The following ANO6 variants were observed in gnomAD, a reference collection of about 807,000 sequenced individuals.
ANO6 encodes anoctamin-6.
A neutral mutation model predicts 117.5 loss-of-function variants in ANO6; 106 were observed. The observed-to-expected ratio is 0.90, with a 90% CI of 0.77 to 1.06. The LOEUF (loss-of-function observed/expected upper bound fraction) is 1.06, where lower values mean the gene tolerates loss of function less well. Among genes scored for constraint, ANO6 ranks in the 50% least tolerant of loss-of-function variants. The pLI is 0.00. For missense variants in ANO6, 955 were observed against 1,121.1 expected (o/e 0.85, Z 2.12); for synonymous variants, 367 against 385.1 (o/e 0.95, Z 0.55).
At chr12:45,438,106 A>C (rs1346317076) in intron 19 of ANO6, among the ~76,000 whole-genome samples, 5 of 152,134 alleles carry the variant, frequency 3.3e-5, no homozygotes, top group Non-Finnish European at 7.4e-5. Context: ...GCTTCCGCTC[A>C]GGCAAGCTGC....
intron 15 of ANO6, among the ~76,000 whole-genome samples, chr12:45,404,921 T>C (rs1942893470): frequency 6.6e-6 from 1 of 152,176 alleles, no homozygotes; most frequent in African/African-American, 2.4e-5. Flanking sequence ...TTTCTGTTCA[T>C]TCTCTTTATT....
intron 1 of ANO6, among the ~76,000 whole-genome samples, chr12:45,261,562 A>G (rs1016647369): frequency 6.6e-6 from 1 of 152,250 alleles, no homozygotes; most frequent in Admixed American, 6.5e-5. Context: ...GATAAGTGGC[A>G]GTCCTGGCTC....
chr12:45,277,236 T>G (rs978031522), intron 1 of ANO6, among the ~76,000 whole-genome samples: 1 of 152,232 alleles, frequency 6.6e-6, no homozygotes, highest in Non-Finnish European at 1.5e-5. Context: ...TATGTAATAC[T>G]TTCCACAGAT....
intron 10 of ANO6, among the ~76,000 whole-genome samples, chr12:45,386,631 A>G (rs1481314512): frequency 6.6e-6 from 1 of 152,134 alleles, no homozygotes; most frequent in African/African-American, 2.4e-5. Flanking sequence ...AGTCTCCTCC[A>G]TCTGTACGTT....
At chr12:45,264,471 A>G (rs987569412) in intron 1 of ANO6, among the ~76,000 whole-genome samples, 1 of 152,164 alleles carries the variant, frequency 6.6e-6, no homozygotes, top group African/African-American at 2.4e-5. Flanking sequence ...CCCTTTGGAT[A>G]ATTTTTTGGG....
At chr12:45,439,722 T>A (rs957068525) in exon 20 of ANO6, 1 of 1,543,570 alleles carries the variant, frequency 6.5e-7, no homozygotes, top group African/African-American at 1.4e-5. Context: ...TGATCTTGGC[T>A]CACTGCAACC....
chr12:45,413,119 A>G (rs1943127685), intron 16 of ANO6, among the ~76,000 whole-genome samples: 1 of 152,230 alleles, frequency 6.6e-6, no homozygotes, highest in African/African-American at 2.4e-5. Flanking sequence ...AATATTTGTA[A>G]ACAAGATAAC....
In ANO6 at chr12:45,393,665, G is replaced by A. The variant is rs534902678; in HGVS notation, c.1386+3167G>A. Among the ~76,000 whole-genome samples, 73 of 152,330 alleles carry A rather than the reference G, an allele frequency of 4.8e-4. 1 individual carries two copies. Among genetic ancestry groups the A allele is most frequent in the African/African-American group, 1.8e-3 (73 of 41,560 alleles). On this transcript the variant is annotated intron_variant, in intron 12 of 19. Transcript: ENST00000320560. ...ACATCTCTTGGCAGAAACCCTACGA[G>A]CCAGAAGAGAGTGGGGGCCAATATT... is the stretch of plus-strand genomic sequence containing the variant.
Position 45,220,203 on chromosome 12 carries a change from A to G in ANO6, c.70+3812A>G, listed in dbSNP as rs995711047. 3.9e-5 allele frequency among the ~76,000 whole-genome samples: 6 copies of G among 152,122 alleles called. No homozygotes were observed. The East Asian group carries it at 7.7e-4, about 19-fold the overall frequency. ...CAAAAAAGACTATCAGGAACTATTC[A>G]GACTGTTCAGATAATGAGGTTTTGT... On this transcript the variant is annotated intron_variant, in intron 1 of 19. Transcript: ENST00000320560.
chr12:45,418,482 A>G (rs767402717), intron 17 of ANO6, among the ~76,000 whole-genome samples: 1 of 152,242 alleles, frequency 6.6e-6, no homozygotes, highest in Non-Finnish European at 1.5e-5. Flanking sequence ...AGCACGTTCA[A>G]TATGCTCTAG....
intron 9 of ANO6, 88 bp from the exon 10 acceptor site, chr12:45,377,965 G>A: frequency 7.7e-7 from 1 of 1,293,780 alleles, no homozygotes; most frequent in Non-Finnish European, 1.1e-6. Flanking sequence ...AGAACTTCAA[G>A]ACTGTAGAAT....
chr12:45,315,225 TTTAA>T (rs1939984986), intron 2 of ANO6, among the ~76,000 whole-genome samples: 2 of 152,066 alleles, frequency 1.3e-5, no homozygotes, highest in Non-Finnish European at 2.9e-5. Context: ...GAACTGAATT[TTTAA>T]TTAATTCTTA....
intron 16 of ANO6, among the ~76,000 whole-genome samples, chr12:45,409,881 G>T (rs1324132707): frequency 6.6e-6 from 1 of 152,126 alleles, no homozygotes; most frequent in Non-Finnish European, 1.5e-5. Flanking sequence ...TCAGCCTCCT[G>T]AGTAGCCGGG....
intron 4 of ANO6, chr12:45,347,355 C>CT: frequency 2.3e-6 from 1 of 429,004 alleles, no homozygotes; most frequent in South Asian, 6.2e-5. Flanking sequence ...CTTCTAAAAG[C>CT]TTTTTTGTTA....
At chr12:45,305,696 C>T (rs569639089) in intron 2 of ANO6, among the ~76,000 whole-genome samples, 2 of 152,094 alleles carry the variant, frequency 1.3e-5, no homozygotes, top group South Asian at 4.2e-4. Flanking sequence ...GTAGAGACTT[C>T]AGAAATAGGC....
intron 1 of ANO6, among the ~76,000 whole-genome samples, chr12:45,253,718 G>A (rs1414160192): frequency 6.6e-6 from 1 of 152,154 alleles, no homozygotes; most frequent in African/African-American, 2.4e-5. Flanking sequence ...TGTAAAATGA[G>A]GAGTTTAGGC....
chr12:45,423,521 A>C (rs886625552), intron 19 of ANO6, among the ~76,000 whole-genome samples: 1 of 152,224 alleles, frequency 6.6e-6, no homozygotes, highest in Admixed American at 6.5e-5. Flanking sequence ...GCCAAATTAC[A>C]AAGTATCAGA....
intron 1 of ANO6, among the ~76,000 whole-genome samples, chr12:45,294,908 T>C (rs185392101): frequency 6.6e-6 from 1 of 152,340 alleles, no homozygotes; most frequent in East Asian, 1.9e-4. Flanking sequence ...GTATTAAAAA[T>C]TGAAGTGAAA....
In ANO6 at chr12:45,431,651, G is replaced by GTGTT. The variant is rs1037555630; in HGVS notation, c.*2345_*2348dup. On this transcript the variant is annotated 3_prime_UTR_variant, in exon 20 of 20. Coordinates refer to ENST00000320560, the MANE Select transcript of ANO6 (RefSeq NM_001025356.3). ...GGGTCATTTCCCCATGCCATCCACA[G>GTGTT]TGTTTGTTAGTGAGTCCACGGCTGA... The GTGTT allele has an allele frequency of 5.8e-5, 57 of 985,432 alleles. No homozygotes were observed. The highest frequency in any genetic ancestry group is 6.5e-5 in the Non-Finnish European group (54 of 829,928). 61.0% of individuals were successfully genotyped at this position (985,432 alleles called of 1,614,324 possible).
Sources: allele counts gnomAD v4.1 joint callset (sites outside exome capture counted in the v4.1 genomes callset), GRCh38; gene constraint gnomAD v4.1.1; transcripts MANE v1.5; gene names NCBI Gene and HGNC (gene_info 2026-07-23, HGNC 2026-07-21).